APP: variants seen among roughly 807,000 people sequenced by gnomAD.
APP encodes the protein amyloid beta precursor protein, also known as amyloid-beta precursor protein.
APP carries 31 observed loss-of-function variants against 101.4 expected under a neutral mutation model. The observed-to-expected ratio is 0.31, with a 90% CI of 0.23 to 0.41. The LOEUF (loss-of-function observed/expected upper bound fraction) is 0.41. Ranked by LOEUF, APP falls within the 10% of genes least tolerant of loss-of-function variation. The probability of loss-of-function intolerance (pLI) is 1.00; values close to 1 mark genes in which losing one functional copy is unlikely to be tolerated. For missense variants in APP, 839 were observed against 1,003.7 expected (o/e 0.84, Z 2.22); for synonymous variants, 366 against 364.4 (o/e 1.00, Z -0.05).
At chr21:26,101,118 T>TTTTTTTTTTG (rs1480756291) in intron 2 of APP, among the ~76,000 whole-genome samples, 1 of 108,430 alleles carries the variant, frequency 9.2e-6, no homozygotes, top group Non-Finnish European at 2.0e-5. Context: ...TTTTTTTTTT[T>TTTTTTTTTTG]GGGATGGAGT....
chr21:26,069,974 C>T (rs1402243457), intron 3 of APP, among the ~76,000 whole-genome samples: 2 of 152,146 alleles, frequency 1.3e-5, no homozygotes, highest in African/African-American at 4.8e-5. Context: ...CCACCTTTTA[C>T]CAGGCATTAC....
intron 17 of APP, among the ~76,000 whole-genome samples, chr21:25,889,321 G>T (rs1270880030): frequency 6.6e-6 from 1 of 152,170 alleles, no homozygotes; most frequent in Non-Finnish European, 1.5e-5. Flanking sequence ...GAGCAGACAG[G>T]CATCTGCAAA....
At chr21:25,954,240 G>GT (rs1485586317) in intron 13 of APP, among the ~76,000 whole-genome samples, 1 of 152,128 alleles carries the variant, frequency 6.6e-6, no homozygotes, top group African/African-American at 2.4e-5. Flanking sequence ...TGAAGAATGA[G>GT]TTTTTTTCCC....
At chr21:26,023,645 G>A (rs1335606461) in intron 5 of APP, among the ~76,000 whole-genome samples, 3 of 152,234 alleles carry the variant, frequency 2.0e-5, no homozygotes, top group Non-Finnish European at 4.4e-5. Context: ...CGAGGCTGCT[G>A]TGAGCTATGA....
intron 14 of APP, among the ~76,000 whole-genome samples, chr21:25,911,405 C>T (rs2039062640): frequency 6.6e-6 from 1 of 152,188 alleles, no homozygotes; most frequent in African/African-American, 2.4e-5. Context: ...ATGTGCGAAA[C>T]AAGAGGCCCT....
chr21:26,051,230 T>C, intron 4 of APP, 37 bp from the exon 5 acceptor site: 1 of 1,575,332 alleles, frequency 6.3e-7, no homozygotes, highest in Non-Finnish European at 8.7e-7. Context: ...AGTGGTAGAG[T>C]AGATGTGTTT....
intron 6 of APP, among the ~76,000 whole-genome samples, chr21:26,011,453 C>G (rs2043802517): frequency 6.6e-6 from 1 of 152,136 alleles, no homozygotes; most frequent in South Asian, 2.1e-4. Flanking sequence ...CAGAGAGAGT[C>G]TATCCCCTAC....
At chr21:25,898,832 G>A (rs927157455) in intron 15 of APP, among the ~76,000 whole-genome samples, 1 of 152,076 alleles carries the variant, frequency 6.6e-6, no homozygotes, top group Admixed American at 6.5e-5. Context: ...TGGCTCCCAG[G>A]GGAATTCACT....
At chr21:25,910,846 T>C (rs1485970154) in intron 14 of APP, among the ~76,000 whole-genome samples, 8 of 152,264 alleles carry the variant, frequency 5.3e-5, no homozygotes, top group Non-Finnish European at 2.9e-5. Flanking sequence ...GCCTTTAACA[T>C]TTAATTCAAT....
At chr21:26,014,828 T>C (rs114254319) in intron 6 of APP, among the ~76,000 whole-genome samples, 1,768 of 152,304 alleles carry the variant, frequency 0.012, 41 homozygotes, top group African/African-American at 0.04. Context: ...ATAAGCAATA[T>C]TCGGATCAAA....
At chr21:26,089,874 A>T (rs200298117) in intron 3 of APP, 69 bp downstream of exon 3, 53 of 1,607,770 alleles carry the variant, frequency 3.3e-5, no homozygotes, top group Admixed American at 1.0e-4. Flanking sequence ...ACCTAACAGG[A>T]GCATCCTCTT....
At chr21:26,054,199 C>G (rs1017966462) in intron 3 of APP, among the ~76,000 whole-genome samples, 2 of 152,104 alleles carry the variant, frequency 1.3e-5, no homozygotes, top group Non-Finnish European at 2.9e-5. Context: ...ATCTTGGGTG[C>G]AGTGGGAAAA....
intron 13 of APP, among the ~76,000 whole-genome samples, chr21:25,952,170 A>G (rs1180665986): frequency 6.7e-6 from 1 of 148,656 alleles, no homozygotes; most frequent in African/African-American, 2.5e-5. Flanking sequence ...TAATGGGTGG[A>G]TTGAGAGCAT....
intron 2 of APP, among the ~76,000 whole-genome samples, chr21:26,097,443 G>T (rs576054373): frequency 2.0e-5 from 3 of 152,284 alleles, no homozygotes; most frequent in Admixed American, 1.3e-4. Flanking sequence ...TATACATTAA[G>T]TTCCCTTTGG....
chr21:26,042,544 T>G (rs1393451807), intron 5 of APP, among the ~76,000 whole-genome samples: 2 of 152,238 alleles, frequency 1.3e-5, no homozygotes, highest in Non-Finnish European at 2.9e-5. Flanking sequence ...TGTAGCACTG[T>G]GCCACCTACA....
At chr21:26,058,962 TC>T (rs1568923227) in intron 3 of APP, among the ~76,000 whole-genome samples, 1 of 151,582 alleles carries the variant, frequency 6.6e-6, no homozygotes, top group Non-Finnish European at 1.5e-5. Flanking sequence ...GCGCCTGTAG[TC>T]CCAGCTACTC....
intron 6 of APP, among the ~76,000 whole-genome samples, chr21:26,002,709 G>A (rs567265193): frequency 6.6e-6 from 1 of 152,238 alleles, no homozygotes; most frequent in Non-Finnish European, 1.5e-5. Flanking sequence ...CCATAGTCAC[G>A]GGAGCATTGG....
chr21:26,153,541 G>C (rs882762), intron 1 of APP, among the ~76,000 whole-genome samples: 59,215 of 151,878 alleles, frequency 0.39, 13,008 homozygotes, highest in African/African-American at 0.61. Context: ...AAACTCCTGA[G>C]CTCAAGCAAT....
At chr21:26,101,081 T>C (rs2062045071) in intron 2 of APP, among the ~76,000 whole-genome samples, 3 of 148,110 alleles carry the variant, frequency 2.0e-5, no homozygotes, top group Admixed American at 1.4e-4. Flanking sequence ...TTTCAAGTTA[T>C]CTCTTTTTTT....
Sources: allele counts gnomAD v4.1 joint callset (sites outside exome capture counted in the v4.1 genomes callset), GRCh38; gene constraint gnomAD v4.1.1; transcripts MANE v1.5; gene names NCBI Gene and HGNC (gene_info 2026-07-23, HGNC 2026-07-21).